The following KDM5B variants were observed in gnomAD, a reference collection of about 807,000 sequenced individuals.
The protein encoded by KDM5B is lysine-specific demethylase 5B.
KDM5B carries 144 observed loss-of-function variants against 193.4 expected under a neutral mutation model. The ratio of observed to expected loss-of-function variants is 0.74; its 90% CI spans 0.65 to 0.86. The LOEUF (loss-of-function observed/expected upper bound fraction) is 0.86. Ranked by LOEUF, KDM5B falls within the 40% of genes least tolerant of loss-of-function variation. The pLI, the probability that KDM5B is intolerant of heterozygous loss-of-function variation, is 0.00. For missense variants in KDM5B, 1,833 were observed against 1,886.9 expected, an observed-to-expected ratio of 0.97 and a Z score of 0.53; for synonymous variants, 668 against 682.6, an observed-to-expected ratio of 0.98 and a Z score of 0.33.
chr1:202,798,658 C>T (rs935399443), intron 1 of KDM5B, among the ~76,000 whole-genome samples: 4 of 151,944 alleles, frequency 2.6e-5, no homozygotes, highest in African/African-American at 7.2e-5. Context: ...CCCAGGAGTT[C>T]GAGGCTCCAA....
rs747593936 is a variant in KDM5B, at chr1:202,731,938, A to G, written c.3911T>C (p.Val1304Ala). 18 of 1,602,778 alleles carry G rather than the reference A, an allele frequency of 1.1e-5. 1 individual carries two copies. The South Asian group carries it at 1.5e-4, about 14-fold the overall frequency. ...SAGQVSDTNK[V>A]SQPPGTTSFS... ...TGATGTTGTGCCAGGAGGTTGAGATACCTAATGGAGGGAAAACGTTTTATA... is the reference window on the plus strand; with the variant it reads ...TGATGTTGTGCCAGGAGGTTGAGATGCCTAATGGAGGGAAAACGTTTTATA... Residue 1304 changes from valine to alanine, a missense_variant and splice_region_variant, in exon 24 of 27, where the codon GTA (valine) becomes GCA (alanine). Physicochemically the swap from Val to Ala is moderately conservative, Grantham distance 64. Around this residue, in one of 3 missense-constraint regions of KDM5B, gnomAD observed 1,379 missense variants for 1,349.6 expected, o/e 1.02. Transcript: ENST00000367265.
intron 5 of KDM5B, among the ~76,000 whole-genome samples, chr1:202,765,641 G>A (rs188073313): frequency 1.3e-5 from 2 of 152,080 alleles, no homozygotes; most frequent in Admixed American, 1.3e-4. Flanking sequence ...TCCTATTCTG[G>A]GCAGTCTCCT....
intron 8 of KDM5B, among the ~76,000 whole-genome samples, chr1:202,759,521 A>C (rs1656154819): frequency 6.7e-6 from 1 of 149,410 alleles, no homozygotes; most frequent in African/African-American, 2.5e-5. Context: ...ACTGTACTCC[A>C]GCCTGGGTGA....
Position 202,760,587 on chromosome 1 carries a change from A to G in KDM5B, c.919-14T>C. 2 of 1,594,932 alleles carry G rather than the reference A, an allele frequency of 1.3e-6. No individual in the cohort carries two copies. The highest frequency in any genetic ancestry group is 1.7e-6 in the Non-Finnish European group (2 of 1,170,412). The stretch of plus-strand genomic sequence containing the variant: ...ATACAGGTCCACCTGTAGCAATAAA[A>G]GTGGGTACAGAACAAAGGAACATGA... On this transcript the variant is annotated splice_polypyrimidine_tract_variant and intron_variant, in intron 7 of 26. Coordinates refer to ENST00000367265, the MANE Select transcript of KDM5B (RefSeq NM_006618.5).
At chr1:202,747,626 C>A (rs1655614861) in intron 14 of KDM5B, among the ~76,000 whole-genome samples, 1 of 149,940 alleles carries the variant, frequency 6.7e-6, no homozygotes, top group African/African-American at 2.4e-5. Context: ...CTAAAAGAAT[C>A]CATGAAAAAG....
intron 1 of KDM5B, among the ~76,000 whole-genome samples, chr1:202,790,668 C>T (rs542211128): frequency 2.8e-4 from 43 of 151,932 alleles, no homozygotes; most frequent in South Asian, 6.2e-4. Flanking sequence ...TGCAGTGAGC[C>T]GAGACTGCAC....
At chr1:202,796,354 A>G in intron 1 of KDM5B, 1 of 329,310 alleles carries the variant, frequency 3.0e-6, no homozygotes. Flanking sequence ...CTCTGTGAAG[A>G]TTCTGAGGCA....
Position 202,780,747 on chromosome 1 carries a change from T to C in KDM5B, c.205-3653A>G, listed in dbSNP as rs541376947. ...AGTAAAAAACTAGAACAAAAACATG[T>C]ATTAGGTTGGTGCAAATGTAATTGC... On this transcript the variant is annotated intron_variant, in intron 1 of 26. Transcript: ENST00000367265. Among the ~76,000 whole-genome samples, 3 of 149,460 alleles carry C rather than the reference T, an allele frequency of 2.0e-5. No homozygotes were observed. The South Asian group carries it at 6.3e-4, about 31-fold the overall frequency.
rs778915165 is a variant in KDM5B at position 202,741,508 on chromosome 1, A to G, written c.2804T>C (p.Leu935Ser). Reference sequence around the variant, plus strand: ...GTCTATGAGACGTCTCATATCATCTAAAGTAAGGGAGCTGGGGTCTAGGCA... The same window carrying G: ...GTCTATGAGACGTCTCATATCATCTGAAGTAAGGGAGCTGGGGTCTAGGCA... ...QACLDPSSLT[L>S]DDMRRLIDLG... Residue 935 changes from leucine to serine, a missense_variant, in exon 19 of 27, where the codon TTA (leucine) becomes TCA (serine). Physicochemically the swap from Leu to Ser is moderately radical, Grantham distance 145. Coordinates refer to ENST00000367265, the MANE Select transcript of KDM5B (RefSeq NM_006618.5). 1.2e-6 allele frequency: 2 copies of G among 1,614,200 alleles called. No homozygotes were observed. Among genetic ancestry groups the G allele is most frequent in the Admixed American group, 1.7e-5 (1 of 60,022 alleles).
At chr1:202,804,360 G>A (rs918552798) in intron 1 of KDM5B, among the ~76,000 whole-genome samples, 1 of 152,080 alleles carries the variant, frequency 6.6e-6, no homozygotes, top group African/African-American at 2.4e-5. Context: ...GATACAAGTA[G>A]GGAAAGATTT....
chr1:202,730,058 G>A (rs185670067), intron 25 of KDM5B, 31 bp from the exon 26 acceptor site: 4 of 1,549,676 alleles, frequency 2.6e-6, no homozygotes, highest in East Asian at 2.3e-5. Context: ...TTCAATTTTC[G>A]CCTATGGGTC....
At chr1:202,733,971 G>A in intron 22 of KDM5B, 85 bp from the exon 23 acceptor site, 1 of 1,464,780 alleles carries the variant, frequency 6.8e-7, no homozygotes, top group South Asian at 1.3e-5. Context: ...TTAAGAGCAT[G>A]GGATCCTGAG....
chr1:202,726,142 A>C lies in KDM5B; in HGVS notation c.*2894T>G, dbSNP rs1201630390. Reference sequence around the variant, plus strand: ...CCATGTTGCTTTTGATGGTGGGTATAATGGCAAATCAGGTGCATTTCAGAC... The same window carrying C: ...CCATGTTGCTTTTGATGGTGGGTATCATGGCAAATCAGGTGCATTTCAGAC... On this transcript the variant is annotated 3_prime_UTR_variant, in exon 27 of 27. Transcript: ENST00000367265. 6.6e-6 allele frequency: 1 copy of C among 152,236 alleles called. No homozygotes were observed. Among genetic ancestry groups the C allele is most frequent in the African/African-American group, 2.4e-5 (1 of 41,458 alleles). The allele number at this position is 152,236 out of a possible 1,614,324, so 9.4% of individuals were successfully genotyped here.
intron 5 of KDM5B, among the ~76,000 whole-genome samples, 179 bp from the exon 6 acceptor site, chr1:202,764,324 T>C (rs571584254): frequency 1.3e-5 from 2 of 152,216 alleles, no homozygotes; most frequent in South Asian, 4.2e-4. Flanking sequence ...TATTAAAGCA[T>C]GAATGAGAAA....
chr1:202,735,833 A>G (rs1655072254), intron 21 of KDM5B, among the ~76,000 whole-genome samples: 1 of 152,252 alleles, frequency 6.6e-6, no homozygotes, highest in Non-Finnish European at 1.5e-5. Flanking sequence ...GGTTGATCCC[A>G]GTCATGATGC....
At chr1:202,753,665 TTTTTTTTTTG>T (rs1170452777) in intron 11 of KDM5B, among the ~76,000 whole-genome samples, 1 of 87,194 alleles carries the variant, frequency 1.1e-5, no homozygotes, top group Non-Finnish European at 2.8e-5. Context: ...GTTGTTGTTG[TTTTTTTTTTG>T]TTTTTTTTTT....
chr1:202,791,068 T>G (rs906369171), intron 1 of KDM5B, among the ~76,000 whole-genome samples: 17 of 152,174 alleles, frequency 1.1e-4, no homozygotes, highest in African/African-American at 3.4e-4. Flanking sequence ...GGATGGTAGA[T>G]AAAAGTATGT....
chr1:202,790,491 G>A (rs1384682806), intron 1 of KDM5B, among the ~76,000 whole-genome samples: 2 of 151,988 alleles, frequency 1.3e-5, no homozygotes, highest in African/African-American at 4.8e-5. Context: ...AGGCTGAGGT[G>A]GGCAGATCAC....
In KDM5B at chr1:202,733,464, C is replaced by T; in HGVS notation, c.3846G>A (p.Val1282=). 6.2e-7 allele frequency: 1 copy of T among 1,614,182 alleles called. No individual in the cohort carries two copies. The highest frequency in any genetic ancestry group is 8.5e-7 in the Non-Finnish European group (1 of 1,180,008). The change falls in exon 23 of 27, where the codon GTG becomes GTA. Residue 1282 remains valine, a synonymous_variant. Transcript: ENST00000367265. ...ATCTGCTATATAACAGTCCTGAGCC[C>T]ACTCGATCTTGCACAAATTTAAGAT... ...SGNLKFVQDR[V]GSGLLYSRWQ...
Sources: allele counts gnomAD v4.1 joint callset (sites outside exome capture counted in the v4.1 genomes callset), GRCh38; gene constraint gnomAD v4.1.1; regional missense constraint gnomAD v4.1.1; transcripts MANE v1.5; gene names NCBI Gene and HGNC (gene_info 2026-07-23, HGNC 2026-07-21).